LINGO2: variants seen among roughly 807,000 people sequenced by gnomAD.
LINGO2 encodes leucine rich repeat and Ig domain containing 2, also known as leucine-rich repeat and immunoglobulin-like domain-containing nogo receptor-interacting protein 2.
LINGO2 carries 14 observed loss-of-function variants against 30.6 expected under a neutral mutation model. That is an observed-to-expected ratio of 0.46 (90% CI 0.30 to 0.72). LINGO2 has a LOEUF of 0.72. Among genes scored for constraint, LINGO2 ranks in the 30% least tolerant of loss-of-function variants. The pLI is 0.07. For synonymous variants in LINGO2, 317 were observed against 288.5 expected (o/e 1.10, Z -1.00); for missense variants, 729 against 751.7 (o/e 0.97, Z 0.35).
chr9:29,004,183 T>A, the LINGO2 span, among the ~76,000 whole-genome samples: 1 of 152,002 alleles, frequency 6.6e-6, no homozygotes, highest in East Asian at 1.9e-4. Context: ...CATTTTAGCT[T>A]ACATAAGTAT....
chr9:28,656,832 T>A (rs1828367234), intron 1 of LINGO2, among the ~76,000 whole-genome samples: 1 of 152,106 alleles, frequency 6.6e-6, no homozygotes, highest in Admixed American at 6.6e-5. Flanking sequence ...TAATAGATAG[T>A]GGTAGAAATA....
chr9:28,562,826 TTATTTATTTATTTGTG>T (rs1313966178), intron 1 of LINGO2, among the ~76,000 whole-genome samples: 1 of 151,972 alleles, frequency 6.6e-6, no homozygotes, highest in African/African-American at 2.4e-5. Context: ...TGAATAAAAC[TTATTTATTTATTTGTG>T]TATTTATTTA....
At chr9:29,129,874 T>C in the LINGO2 span, among the ~76,000 whole-genome samples, 1 of 152,090 alleles carries the variant, frequency 6.6e-6, no homozygotes, top group Non-Finnish European at 1.5e-5. Flanking sequence ...ATAAAATGAC[T>C]GGTTGTTTAA....
chr9:29,165,444 T>C, the LINGO2 span, among the ~76,000 whole-genome samples: 1 of 152,078 alleles, frequency 6.6e-6, no homozygotes, highest in Non-Finnish European at 1.5e-5. Flanking sequence ...CAGAATTGGC[T>C]ATTTCCCCCA....
At chr9:29,041,236 C>T in the LINGO2 span, among the ~76,000 whole-genome samples, 1 of 151,928 alleles carries the variant, frequency 6.6e-6, no homozygotes, top group African/African-American at 2.4e-5. Flanking sequence ...TAAGACTCAA[C>T]ATAGAACCTA....
chr9:28,226,318 T>C (rs1196985735), intron 4 of LINGO2, among the ~76,000 whole-genome samples: 3 of 152,128 alleles, frequency 2.0e-5, no homozygotes, highest in Non-Finnish European at 4.4e-5. Context: ...AAGACCCATC[T>C]AGTACCTCTG....
chr9:28,658,756 T>C (rs1828464950), intron 1 of LINGO2, among the ~76,000 whole-genome samples: 1 of 152,072 alleles, frequency 6.6e-6, no homozygotes, highest in Non-Finnish European at 1.5e-5. Flanking sequence ...CCACTGTATT[T>C]TGGAGTAATC....
At chr9:27,964,515 G>A (rs1820003131) in intron 5 of LINGO2, among the ~76,000 whole-genome samples, 1 of 152,078 alleles carries the variant, frequency 6.6e-6, no homozygotes, top group South Asian at 2.1e-4. Flanking sequence ...CTGTTAATAT[G>A]ATTTAATGCA....
At chr9:28,352,087 G>T (rs1190154939) in intron 3 of LINGO2, among the ~76,000 whole-genome samples, 2 of 145,660 alleles carry the variant, frequency 1.4e-5, no homozygotes, top group Non-Finnish European at 3.1e-5. Flanking sequence ...TTGAAAACTG[G>T]CACAAGACAG....
In LINGO2 at chr9:28,402,535, C is replaced by T. The variant is rs542019130; in HGVS notation, c.-278-29667G>A. Among the ~76,000 whole-genome samples the T allele has an allele frequency of 2.0e-5, 3 of 152,102 alleles. No homozygotes were observed. In the South Asian group the frequency reaches 6.3e-4, roughly 32 times the overall value. ...TCTTTCCAGCAGATCCGTACACTGC[C>T]TCCTATCTTCTCTGCCCCACTTCTC... On this transcript the variant is annotated intron_variant, in intron 2 of 5. Coordinates refer to ENST00000379992, the Ensembl canonical transcript of LINGO2.
chr9:28,226,367 A>G (rs1821143181), intron 4 of LINGO2, among the ~76,000 whole-genome samples: 1 of 152,018 alleles, frequency 6.6e-6, no homozygotes, highest in East Asian at 1.9e-4. Context: ...TACTTCTGGT[A>G]GAGTAGAAAT....
At chr9:28,730,402 A>T in the LINGO2 span, among the ~76,000 whole-genome samples, 10 of 152,170 alleles carry the variant, frequency 6.6e-5, no homozygotes, top group African/African-American at 2.4e-4. Context: ...CATCAAAAGG[A>T]TGATCTACAA....
the LINGO2 span, among the ~76,000 whole-genome samples, chr9:29,181,201 T>C: frequency 6.6e-6 from 1 of 152,182 alleles, no homozygotes; most frequent in African/African-American, 2.4e-5. Flanking sequence ...CTTTGAACAA[T>C]TTATCATATG....
chr9:28,043,219 AAC>A (rs377032225), intron 4 of LINGO2, among the ~76,000 whole-genome samples: 54 of 152,262 alleles, frequency 3.5e-4, no homozygotes, highest in African/African-American at 1.3e-3. Flanking sequence ...TGGCAGGGGA[AAC>A]ACTTCCTCAG....
chr9:28,341,296 A>G (rs1299657080), intron 3 of LINGO2, among the ~76,000 whole-genome samples: 8 of 152,154 alleles, frequency 5.3e-5, no homozygotes, highest in Admixed American at 5.2e-4. Flanking sequence ...CTAATAAAAC[A>G]CAACAGAAAG....
chr9:28,714,124 A>C, the LINGO2 span, among the ~76,000 whole-genome samples: 1 of 149,744 alleles, frequency 6.7e-6, no homozygotes, highest in Non-Finnish European at 1.5e-5. Flanking sequence ...CTGCCACTGC[A>C]CTACAGCCTG....
At chr9:28,018,199 A>C (rs973016129) in intron 4 of LINGO2, among the ~76,000 whole-genome samples, 2 of 152,166 alleles carry the variant, frequency 1.3e-5, no homozygotes, top group Non-Finnish European at 2.9e-5. Context: ...CCATATCCCA[A>C]AACTAACTCA....
At chr9:28,576,648 T>A (rs1172841704) in intron 1 of LINGO2, among the ~76,000 whole-genome samples, 1 of 152,180 alleles carries the variant, frequency 6.6e-6, no homozygotes, top group Non-Finnish European at 1.5e-5. Context: ...AGGATTTTTT[T>A]GAAGCATTGT....
At chr9:28,074,032 A>T (rs1372427702) in intron 4 of LINGO2, among the ~76,000 whole-genome samples, 1 of 152,164 alleles carries the variant, frequency 6.6e-6, no homozygotes, top group Non-Finnish European at 1.5e-5. Context: ...TGGACAGGAC[A>T]AGTAGGACTC....
Sources: allele counts gnomAD v4.1 joint callset (sites outside exome capture counted in the v4.1 genomes callset), GRCh38; gene constraint gnomAD v4.1.1; transcripts MANE v1.5; gene names NCBI Gene and HGNC (gene_info 2026-07-23, HGNC 2026-07-21).